The following GRK3 variants were observed in gnomAD, a reference collection of about 807,000 sequenced individuals.
The protein encoded by GRK3 is adrenergic, beta, receptor kinase 2.
A neutral mutation model predicts 95.7 loss-of-function variants in GRK3; 54 were observed. The observed-to-expected ratio is 0.56, with a 90% CI of 0.45 to 0.71. The LOEUF is 0.71. Ranked by LOEUF, GRK3 falls within the 30% of genes least tolerant of loss-of-function variation. The probability of loss-of-function intolerance (pLI) is 0.00; values close to 1 mark genes in which losing one functional copy is unlikely to be tolerated. For missense variants in GRK3, 649 were observed against 851.2 expected, an observed-to-expected ratio of 0.76 and a Z score of 2.96; for synonymous variants, 281 against 290.8, an observed-to-expected ratio of 0.97 and a Z score of 0.34.
rs544830332 is a variant in GRK3, at chr22:25,701,578, C to T, written c.1161-1932C>T. 1.5e-4 allele frequency among the ~76,000 whole-genome samples: 23 copies of T among 152,292 alleles called. 1 individual carries two copies. In the South Asian group the frequency reaches 4.8e-3, roughly 32 times the overall value. ...GCACCACTAACTTTAACTCCAAGTC[C>T]CCTCGCAAGCCTCCCTGTGGTCTCA... On this transcript the variant is annotated intron_variant, in intron 13 of 20. Coordinates refer to ENST00000324198, the MANE Select transcript of GRK3 (RefSeq NM_005160.4).
chr22:25,648,891 C>A, intron 3 of GRK3: 1 of 902,768 alleles, frequency 1.1e-6, no homozygotes, highest in Non-Finnish European at 1.9e-6. Flanking sequence ...CACATCAAGA[C>A]AAGGTGCAGA....
intron 1 of GRK3, among the ~76,000 whole-genome samples, chr22:25,592,714 T>G (rs1932533179): frequency 1.3e-5 from 2 of 152,256 alleles, no homozygotes; most frequent in Non-Finnish European, 2.9e-5. Flanking sequence ...GGGTGTATTG[T>G]GTGATGATGA....
intron 1 of GRK3, among the ~76,000 whole-genome samples, chr22:25,592,043 A>G (rs1438704545): frequency 1.4e-4 from 21 of 152,122 alleles, no homozygotes; most frequent in Non-Finnish European, 2.9e-5. Context: ...GTTTAACTTT[A>G]CTCTCTAAGA....
chr22:25,690,088 T>C (rs1280306985), intron 11 of GRK3, 101 bp from the exon 12 acceptor site: 3 of 785,242 alleles, frequency 3.8e-6, no homozygotes, highest in Non-Finnish European at 6.3e-6. Flanking sequence ...AGGAACAAAC[T>C]ATGATAAAAT....
intron 1 of GRK3, among the ~76,000 whole-genome samples, chr22:25,568,057 ATGT>A (rs1178093392): frequency 6.6e-6 from 1 of 152,230 alleles, no homozygotes. Flanking sequence ...GTTTACTGAA[ATGT>A]TGTTGAGCTA....
At chr22:25,647,706 G>A (rs766275052) in intron 3 of GRK3, 34 of 1,339,936 alleles carry the variant, frequency 2.5e-5, no homozygotes, top group Non-Finnish European at 3.0e-5. Context: ...GTTATGTAGC[G>A]CCTGCAGATT....
chr22:25,676,139 A>G (rs2085027017), intron 8 of GRK3, among the ~76,000 whole-genome samples: 1 of 152,136 alleles, frequency 6.6e-6, no homozygotes, highest in Non-Finnish European at 1.5e-5. Context: ...GTATACTGAA[A>G]CACAGTCCTC....
At chr22:25,705,252 C>G (rs1306920496) in intron 15 of GRK3, among the ~76,000 whole-genome samples, 1 of 152,162 alleles carries the variant, frequency 6.6e-6, no homozygotes, top group Non-Finnish European at 1.5e-5. Context: ...TTTTGAGCTC[C>G]TCTTTTGCTT....
intron 2 of GRK3, among the ~76,000 whole-genome samples, chr22:25,624,075 G>C (rs572475903): frequency 1.3e-5 from 2 of 152,132 alleles, no homozygotes; most frequent in Admixed American, 1.3e-4. Flanking sequence ...GGTGCAGTCA[G>C]CTTGTTCCTG....
chr22:25,678,966 T>C, intron 9 of GRK3, 51 bp downstream of exon 9: 6 of 1,246,376 alleles, frequency 4.8e-6, no homozygotes, highest in Non-Finnish European at 6.9e-6. Context: ...GTTTGTTTCA[T>C]AGCAGGATGA....
At chr22:25,661,790 C>T (rs374328185) in intron 4 of GRK3, 113 bp downstream of exon 4, 54 of 574,606 alleles carry the variant, frequency 9.4e-5, no homozygotes, top group South Asian at 9.1e-4. Context: ...GAAAAATGCA[C>T]GCCCGGGATG....
chr22:25,657,152 G>A lies in GRK3; in HGVS notation c.265-4424G>A, dbSNP rs74371674. ...ACATTTACATTTTATTCTAATGCCC[G>A]TGGAAAAATTAAAACAGAGGAGTAT... On this transcript the variant is annotated intron_variant, in intron 3 of 20. Transcript: ENST00000324198. Among the ~76,000 whole-genome samples the A allele has an allele frequency of 1.5e-3, 232 of 152,226 alleles. 3 individuals are homozygous for A. Among genetic ancestry groups the A allele is most frequent in the African/African-American group, 5.0e-3 (206 of 41,518 alleles).
At chr22:25,703,637 A>G in intron 14 of GRK3, 61 bp downstream of exon 14, 2 of 1,207,804 alleles carry the variant, frequency 1.7e-6, no homozygotes, top group East Asian at 2.3e-5. Context: ...CATTCCGTCA[A>G]TAATAAAAAA....
intron 3 of GRK3, chr22:25,648,462 T>A: frequency 4.5e-6 from 6 of 1,332,972 alleles, no homozygotes; most frequent in Admixed American, 1.7e-5. Context: ...AGGACAAGGA[T>A]GTTTTGGCAA....
chr22:25,649,304 G>C, intron 3 of GRK3: 1 of 760,338 alleles, frequency 1.3e-6, no homozygotes, highest in Admixed American at 2.3e-5. Context: ...TTTCTACAGG[G>C]ATCAAAAGAA....
intron 2 of GRK3, among the ~76,000 whole-genome samples, chr22:25,620,092 G>A (rs1229056568): frequency 3.4e-5 from 5 of 148,038 alleles, no homozygotes; most frequent in South Asian, 4.4e-4. Context: ...TAGGCAAGAA[G>A]GAAGGGAGAA....
intron 7 of GRK3, among the ~76,000 whole-genome samples, chr22:25,672,960 T>C (rs1410328115): frequency 2.6e-5 from 4 of 151,822 alleles, no homozygotes; most frequent in Non-Finnish European, 5.9e-5. Flanking sequence ...TTCTGTTTTA[T>C]AATCTCCCTT....
At chr22:25,585,749 T>C (rs1439669264) in intron 1 of GRK3, among the ~76,000 whole-genome samples, 4 of 152,274 alleles carry the variant, frequency 2.6e-5, no homozygotes, top group Admixed American at 2.6e-4. Flanking sequence ...GAAAAGCGTT[T>C]TCAGCCAAAA....
chr22:25,619,568 C>T (rs919589421), intron 2 of GRK3, among the ~76,000 whole-genome samples: 5 of 151,632 alleles, frequency 3.3e-5, no homozygotes, highest in Admixed American at 2.6e-4. Context: ...ACTGCTGCCT[C>T]GAACTCCTGG....
Sources: gnomAD v4.1 joint callset for allele counts (sites outside exome capture counted in the v4.1 genomes callset) on GRCh38, gnomAD v4.1.1 for gene constraint, MANE v1.5 for transcripts, NCBI Gene and HGNC (gene_info 2026-07-23, HGNC 2026-07-21) for gene names.